Variants in RANBP17 observed in about 807,000 individuals in gnomAD.
RANBP17 encodes the protein RAN binding protein 17.
RANBP17 carries 158 observed loss-of-function variants against 141.2 expected under a neutral mutation model. The observed-to-expected ratio is 1.12, with a 90% CI of 0.98 to 1.28. The LOEUF is 1.28. RANBP17 is among the 50% of genes most tolerant of loss of function. RANBP17 has a pLI of 0.00. For synonymous variants in RANBP17, 430 were observed against 450.0 expected (o/e 0.96, Z 0.56); for missense variants, 1,438 against 1,290.7 (o/e 1.11, Z -1.75).
At chr5:170,981,535 A>G (rs1052630508) in intron 14 of RANBP17, among the ~76,000 whole-genome samples, 4 of 151,016 alleles carry the variant, frequency 2.6e-5, no homozygotes, top group Non-Finnish European at 4.4e-5. Context: ...GGTTATTAAA[A>G]GGGGGAGTTT....
At chr5:170,971,069 A>G (rs1013283865) in intron 14 of RANBP17, among the ~76,000 whole-genome samples, 5 of 152,184 alleles carry the variant, frequency 3.3e-5, no homozygotes, top group Non-Finnish European at 7.3e-5. Flanking sequence ...TATATTCTTG[A>G]GTTGGAAAAT....
At chr5:171,198,523 A>C (rs995425770) in intron 18 of RANBP17, among the ~76,000 whole-genome samples, 3 of 152,222 alleles carry the variant, frequency 2.0e-5, no homozygotes, top group African/African-American at 7.2e-5. Context: ...TATAGATGCC[A>C]GTGTTTTTCG....
intron 14 of RANBP17, chr5:170,968,800 A>G (rs1371351584): frequency 4.5e-6 from 2 of 447,554 alleles, no homozygotes; most frequent in Non-Finnish European, 8.9e-6. Context: ...GACTAGGAAA[A>G]TTAGATGTGT....
chr5:171,153,729 T>C (rs1036111421), intron 14 of RANBP17, among the ~76,000 whole-genome samples: 1 of 152,178 alleles, frequency 6.6e-6, no homozygotes, highest in Admixed American at 6.5e-5. Context: ...AGTGTTCAGC[T>C]TCATGTTTTC....
intron 14 of RANBP17, among the ~76,000 whole-genome samples, chr5:171,080,244 A>AACACACACACAC (rs5873252): frequency 6.8e-5 from 10 of 147,890 alleles, no homozygotes; most frequent in African/African-American, 2.5e-4. Flanking sequence ...ACACACACAA[A>AACACACACACAC]ACACACACAC....
intron 14 of RANBP17, among the ~76,000 whole-genome samples, chr5:171,154,938 A>G (rs1472743540): frequency 6.6e-6 from 1 of 151,558 alleles, no homozygotes. Context: ...TTAGCCGGGC[A>G]TGGTGGCGGG....
chr5:170,961,874 A>G (rs1316297803), intron 13 of RANBP17, among the ~76,000 whole-genome samples: 1 of 152,150 alleles, frequency 6.6e-6, no homozygotes, highest in Non-Finnish European at 1.5e-5. Flanking sequence ...CCCTTCCCAT[A>G]ATAAAGTGCT....
chr5:170,986,725 G>T (rs975367454), intron 14 of RANBP17, among the ~76,000 whole-genome samples: 2 of 151,946 alleles, frequency 1.3e-5, no homozygotes, highest in Non-Finnish European at 2.9e-5. Context: ...AAATTGTTTT[G>T]TGTAATTACT....
intron 14 of RANBP17, among the ~76,000 whole-genome samples, chr5:170,980,686 T>A (rs1195743879): frequency 6.6e-6 from 1 of 152,156 alleles, no homozygotes; most frequent in Non-Finnish European, 1.5e-5. Flanking sequence ...TTTCAGAGGA[T>A]GTATAGAAAT....
intron 24 of RANBP17, among the ~76,000 whole-genome samples, chr5:171,250,359 G>T (rs1765477931): frequency 6.6e-6 from 1 of 152,012 alleles, no homozygotes; most frequent in South Asian, 2.1e-4. Flanking sequence ...GAGAAGAAAG[G>T]ACTAAAATGG....
At chr5:171,192,321 G>A (rs911934196) in intron 18 of RANBP17, among the ~76,000 whole-genome samples, 1 of 152,112 alleles carries the variant, frequency 6.6e-6, no homozygotes, top group African/African-American at 2.4e-5. Context: ...TGGCCCTGTA[G>A]GCAGAAAGCA....
At chr5:171,195,241 A>G (rs909942201) in intron 18 of RANBP17, among the ~76,000 whole-genome samples, 1 of 152,234 alleles carries the variant, frequency 6.6e-6, no homozygotes, top group Admixed American at 6.5e-5. Context: ...TAAAATAATC[A>G]TATATACATT....
intron 21 of RANBP17, among the ~76,000 whole-genome samples, 189 bp downstream of exon 21, chr5:171,213,927 G>A (rs1280535060): frequency 6.6e-6 from 1 of 152,134 alleles, no homozygotes; most frequent in African/African-American, 2.4e-5. Context: ...AAAAAGTACA[G>A]TATACTTGGC....
intron 14 of RANBP17, among the ~76,000 whole-genome samples, chr5:170,983,468 T>C (rs1232576269): frequency 1.3e-5 from 2 of 152,190 alleles, no homozygotes; most frequent in African/African-American, 4.8e-5. Flanking sequence ...AACTTAGTTA[T>C]GAATGATGAA....
chr5:171,011,513 A>T (rs539670970), intron 14 of RANBP17, among the ~76,000 whole-genome samples: 4 of 152,110 alleles, frequency 2.6e-5, no homozygotes, highest in Non-Finnish European at 4.4e-5. Flanking sequence ...GAAACTTTCA[A>T]ACCCACAGAA....
chr5:170,989,500 T>C (rs1226753723), intron 14 of RANBP17, among the ~76,000 whole-genome samples: 1 of 151,834 alleles, frequency 6.6e-6, no homozygotes, highest in Non-Finnish European at 1.5e-5. Context: ...TAATTTTTAA[T>C]CATTTATTTC....
intron 25 of RANBP17, chr5:171,271,388 T>C: frequency 4.7e-6 from 1 of 211,232 alleles, no homozygotes; most frequent in East Asian, 7.1e-5. Flanking sequence ...ACATCTTTCA[T>C]ACTTAAGATT....
intron 14 of RANBP17, among the ~76,000 whole-genome samples, chr5:171,154,300 G>A (rs78364229): frequency 0.01 from 1,540 of 151,950 alleles, 63 homozygotes; most frequent in East Asian, 0.087. Flanking sequence ...TTTCTGAGAC[G>A]GAGTCTTGCT....
chr5:170,929,483 CTTTT>C (rs1012628903), intron 12 of RANBP17, among the ~76,000 whole-genome samples: 1 of 152,020 alleles, frequency 6.6e-6, no homozygotes, highest in Admixed American at 6.6e-5. Flanking sequence ...ATTCAAATGA[CTTTT>C]TTCCTTTATT....
Sources: allele counts gnomAD v4.1 joint callset (sites outside exome capture counted in the v4.1 genomes callset), GRCh38; gene constraint gnomAD v4.1.1; transcripts MANE v1.5; gene names NCBI Gene and HGNC (gene_info 2026-07-23, HGNC 2026-07-21).